TRMO: variants seen among roughly 807,000 people sequenced by gnomAD.
TRMO encodes tRNA methyltransferase O, also known as tRNA (adenine(37)-N6)-methyltransferase.
Under a neutral mutation model 37.2 loss-of-function variants are expected in TRMO, and 30 were observed. That is an observed-to-expected ratio of 0.81 (90% CI 0.60 to 1.09). TRMO has a LOEUF of 1.09. TRMO is among the 50% of genes least tolerant of loss of function. TRMO has a pLI of 0.00. For missense variants in TRMO, 552 were observed against 549.5 expected, an observed-to-expected ratio of 1.00 and a Z score of -0.05; for synonymous variants, 239 against 199.4, an observed-to-expected ratio of 1.20 and a Z score of -1.67.
At chr9:97,901,524 CCATCT>C (rs2131508382), downstream of TRMO, among the ~76,000 whole-genome samples, 1 of 152,236 alleles carries the variant, frequency 6.6e-6, no homozygotes, top group South Asian at 2.1e-4. Flanking sequence ...TAGCTCATTT[CCATCT>C]CATTTTTAGG....
At chr9:97,901,961 G>C (rs1208211402), downstream of TRMO, among the ~76,000 whole-genome samples, 3 of 152,170 alleles carry the variant, frequency 2.0e-5, no homozygotes, top group East Asian at 5.8e-4. Context: ...AGAAAGCCTG[G>C]GGTTCAGAAG....
chr9:97,913,034 T>C, intron 3 of TRMO: 1 of 716,716 alleles, frequency 1.4e-6, no homozygotes, highest in South Asian at 1.5e-5. Flanking sequence ...GCATGTACAA[T>C]GAGTTATTGT....
At chr9:97,920,791 C>T (rs1826589967) in intron 1 of TRMO, among the ~76,000 whole-genome samples, 1 of 152,176 alleles carries the variant, frequency 6.6e-6, no homozygotes, top group Non-Finnish European at 1.5e-5. Context: ...CAAGTTCTTC[C>T]CCTTCTCAAA....
At position 97,904,703 on chromosome 9, in the gene TRMO, A is replaced by C. The variant is rs1425728158; in HGVS notation, c.*30T>G. On this transcript the variant is annotated 3_prime_UTR_variant, in exon 5 of 5. Transcript: ENST00000375119. ...CAAAAGCCACATCCAAAGATCAATG[A>C]TGCTACCTTAAAGACATGAGGGAGG... The C allele has an allele frequency of 6.2e-7, 1 of 1,605,966 alleles. No individual in the cohort carries two copies.
intron 1 of TRMO, among the ~76,000 whole-genome samples, chr9:97,921,022 T>C (rs72753557): frequency 0.093 from 14,087 of 152,280 alleles, 864 homozygotes; most frequent in Admixed American, 0.13. Context: ...TTCTGAGCCC[T>C]GGCTTCTGCG....
chr9:97,901,435 A>G (rs1305984044), downstream of TRMO, among the ~76,000 whole-genome samples: 2 of 152,242 alleles, frequency 1.3e-5, no homozygotes, highest in African/African-American at 4.8e-5. Context: ...TGATTTTGAT[A>G]CAAATAGGAC....
chr9:97,900,720 G>C (rs1444061699), downstream of TRMO: 1 of 963,280 alleles, frequency 1.0e-6, no homozygotes, highest in African/African-American at 1.8e-5. Flanking sequence ...CATGATAAAA[G>C]TTCAGTAAGT....
In TRMO at chr9:97,910,031, G is replaced by A. The variant is rs148962372; in HGVS notation, c.995C>T (p.Ala332Val). 5 of 1,607,432 alleles carry A rather than the reference G, an allele frequency of 3.1e-6. 1 individual carries two copies. The highest frequency in any genetic ancestry group is 2.6e-6 in the Non-Finnish European group (3 of 1,176,014). Residue 332 changes from alanine to valine, a missense_variant, in exon 4 of 5, where the codon GCT (alanine) becomes GTT (valine). Ala to Val is a moderately conservative substitution (Grantham distance 64, BLOSUM62 0). Coordinates refer to ENST00000375119, the MANE Select transcript of TRMO (RefSeq NM_016481.5). ...RSVVPAWVTEAPVATLEVRFT... is the reference protein window; with the variant it reads ...RSVVPAWVTEVPVATLEVRFT... The stretch of plus-strand genomic sequence containing the variant: ...CCGCACTTCTAAAGTGGCCACAGGA[G>A]CCTCTGTCACCCAGGCAGGAACCAC...
At chr9:97,904,214 C>T (rs958991706), downstream of TRMO, among the ~76,000 whole-genome samples, 1 of 152,010 alleles carries the variant, frequency 6.6e-6, no homozygotes, top group African/African-American at 2.4e-5. Context: ...AATATATATA[C>T]ATATATATAT....
At chr9:97,897,372 T>C in the TRMO span, among the ~76,000 whole-genome samples, 1 of 152,256 alleles carries the variant, frequency 6.6e-6, no homozygotes, top group Non-Finnish European at 1.5e-5. Flanking sequence ...TGTGAGTATG[T>C]TCAGCTTTAC....
In TRMO at chr9:97,910,436, C is replaced by A. The variant is rs751435259; in HGVS notation, c.590G>T (p.Ser197Ile). The A allele has an allele frequency of 3.7e-6, 6 of 1,614,056 alleles. No homozygotes were observed. Among genetic ancestry groups the A allele is most frequent in the South Asian group, 2.2e-5 (2 of 91,092 alleles). The stretch of plus-strand genomic sequence containing the variant: ...CCCTGAGAGCTGTCGCTGGTCACAG[C>A]TGTCAGTCTTGCTGTCAGACTGGGA... The part of the protein sequence containing the change: ...TVSQSDSKTD[S>I]CDQRQLSGCD... Residue 197 changes from serine (S) to isoleucine (I), a missense_variant, in exon 4 of 5, where the codon AGC (serine) becomes ATC (isoleucine). Transcript: ENST00000375119.
chr9:97,909,424 T>C (rs1398879677), intron 4 of TRMO, among the ~76,000 whole-genome samples: 1 of 152,194 alleles, frequency 6.6e-6, no homozygotes, highest in East Asian at 1.9e-4. Context: ...GCCTCTCTTC[T>C]GCAGCAAAGT....
intron 3 of TRMO, chr9:97,912,076 G>A (rs1330898445): frequency 6.6e-6 from 1 of 152,188 alleles, no homozygotes; most frequent in African/African-American, 2.4e-5. Context: ...CTATTAGACA[G>A]ATTATCTAAT....
At chr9:97,920,699 C>T (rs1826586295) in intron 1 of TRMO, among the ~76,000 whole-genome samples, 1 of 152,218 alleles carries the variant, frequency 6.6e-6, no homozygotes. Flanking sequence ...GTCTACACGT[C>T]TTGCTCTGAA....
chr9:97,914,972 G>A (rs548042150), intron 2 of TRMO, among the ~76,000 whole-genome samples: 19 of 152,284 alleles, frequency 1.2e-4, no homozygotes, highest in Admixed American at 1.1e-3. Context: ...CATCATCAAT[G>A]TTTTTAACTT....
intron 1 of TRMO, among the ~76,000 whole-genome samples, chr9:97,920,184 C>T (rs1470419011): frequency 6.6e-6 from 1 of 152,214 alleles, no homozygotes; most frequent in African/African-American, 2.4e-5. Flanking sequence ...ACTTGGGGTA[C>T]AAATATGAAC....
chr9:97,905,182 C>G (rs1381878800), intron 4 of TRMO, among the ~76,000 whole-genome samples, 190 bp from the exon 5 acceptor site: 1 of 152,160 alleles, frequency 6.6e-6, no homozygotes, highest in South Asian at 2.1e-4. Context: ...TTAACTTGTA[C>G]ACCCCCAAAT....
In TRMO at chr9:97,908,980, A is replaced by G. The variant is rs1357727839; in HGVS notation, c.1066+980T>C. On this transcript the variant is annotated intron_variant, in intron 4 of 4. Transcript: ENST00000375119. ...GCAACCAGCTTCTTCTTTTTGATGG[A>G]GTCTCACTCTGTCACCCAGGCTGGA... 2.0e-5 allele frequency among the ~76,000 whole-genome samples: 3 copies of G among 152,126 alleles called. No individual in the cohort carries two copies. The East Asian group carries it at 5.8e-4, about 29-fold the overall frequency.
chr9:97,897,618 GATAAT>G, the TRMO span, among the ~76,000 whole-genome samples: 4 of 152,080 alleles, frequency 2.6e-5, no homozygotes, highest in East Asian at 1.9e-4. Flanking sequence ...TGCCAAATAA[GATAAT>G]ATATTTTAAA....
Sources: allele counts gnomAD v4.1 joint callset (sites outside exome capture counted in the v4.1 genomes callset), GRCh38; gene constraint gnomAD v4.1.1; transcripts MANE v1.5; gene names NCBI Gene and HGNC (gene_info 2026-07-23, HGNC 2026-07-21).